The following CLVS2 variants were observed in gnomAD, a reference collection of about 807,000 sequenced individuals.
CLVS2 encodes the protein clavesin-2.
Under a neutral mutation model 29.0 loss-of-function variants are expected in CLVS2, and 19 were observed. That is an observed-to-expected ratio of 0.66 (90% CI 0.46 to 0.96). The LOEUF is 0.96. Ranked by LOEUF, CLVS2 falls within the 40% of genes least tolerant of loss-of-function variation. The pLI is 0.00. For synonymous variants in CLVS2, 161 were observed against 151.3 expected (o/e 1.06, Z -0.47); for missense variants, 294 against 404.1 (o/e 0.73, Z 2.34).
intron 3 of CLVS2, among the ~76,000 whole-genome samples, chr6:123,023,612 C>T: frequency 6.6e-6 from 1 of 152,076 alleles, no homozygotes; most frequent in East Asian, 1.9e-4. Flanking sequence ...AAGAGATTTA[C>T]TTTTTCTCAT....
In CLVS2 at chr6:123,069,767, G is replaced by A. The variant is rs910247637; in HGVS notation, c.*6006G>A. Reference sequence around the variant, plus strand: ...GTAGAAAATATTTTCTACTCGAAGAGGCCATGGGGAAGTGATGGTCAAATC... The same window carrying A: ...GTAGAAAATATTTTCTACTCGAAGAAGCCATGGGGAAGTGATGGTCAAATC... On this transcript the variant is annotated 3_prime_UTR_variant, in exon 6 of 6. Transcript: ENST00000275162. 2 of 151,766 alleles carry A rather than the reference G, an allele frequency of 1.3e-5. No individual in the cohort carries two copies. The highest frequency in any genetic ancestry group is 2.4e-5 in the African/African-American group (1 of 41,372). 9.4% of individuals were successfully genotyped at this position (151,766 alleles called of 1,614,324 possible).
intron 3 of CLVS2, among the ~76,000 whole-genome samples, chr6:123,031,776 G>A (rs887634816): frequency 4.0e-5 from 6 of 151,756 alleles, no homozygotes; most frequent in Non-Finnish European, 8.8e-5. Context: ...GGGATGTATT[G>A]GAAGTCTACC....
At chr6:123,063,599 G>T in intron 5 of CLVS2, 75 bp from the exon 6 acceptor site, 1 of 804,034 alleles carries the variant, frequency 1.2e-6, no homozygotes, top group South Asian at 1.6e-5. Flanking sequence ...GAGAAGTAAT[G>T]ACAAAAAGAG....
chr6:123,024,511 A>T (rs1774971824), intron 3 of CLVS2, among the ~76,000 whole-genome samples: 1 of 152,154 alleles, frequency 6.6e-6, no homozygotes, highest in Non-Finnish European at 1.5e-5. Context: ...GGGTCATGCC[A>T]TTGGCTCTGG....
rs996239838 is a variant in CLVS2 at position 123,072,556 on chromosome 6, C to A, written c.*8795C>A. ...TCCTTGATAGTCTGTACAGTGGAAACCATTTCCCTCTGTGATATCCTTTTT... is the reference window on the plus strand; with the variant it reads ...TCCTTGATAGTCTGTACAGTGGAAAACATTTCCCTCTGTGATATCCTTTTT... On this transcript the variant is annotated 3_prime_UTR_variant, in exon 6 of 6. Transcript: ENST00000275162. 8.5e-5 allele frequency: 13 copies of A among 152,196 alleles called. No individual in the cohort carries two copies. The highest frequency in any genetic ancestry group is 3.1e-4 in the African/African-American group (13 of 41,546). 9.4% of individuals were successfully genotyped at this position (152,196 alleles called of 1,614,324 possible). A position where few individuals can be genotyped will look rare whatever the true frequency, so the allele number is the denominator to read the frequency against.
At chr6:123,017,727 G>A (rs1353244251) in intron 3 of CLVS2, among the ~76,000 whole-genome samples, 1 of 152,046 alleles carries the variant, frequency 6.6e-6, no homozygotes, top group Non-Finnish European at 1.5e-5. Flanking sequence ...TCAGCAAGCA[G>A]GCTAAGGATT....
intron 2 of CLVS2, among the ~76,000 whole-genome samples, chr6:123,000,696 A>G (rs1774577482): frequency 6.6e-6 from 1 of 152,082 alleles, no homozygotes; most frequent in African/African-American, 2.4e-5. Flanking sequence ...AGATGTTCTC[A>G]CCTTCCAGGC....
At chr6:123,022,251 A>G (rs1157383766) in intron 3 of CLVS2, among the ~76,000 whole-genome samples, 2 of 152,112 alleles carry the variant, frequency 1.3e-5, no homozygotes, top group African/African-American at 4.8e-5. Flanking sequence ...CTAAAATTTT[A>G]TCAAACTGTC....
intron 3 of CLVS2, among the ~76,000 whole-genome samples, chr6:123,040,685 C>A (rs950849943): frequency 6.6e-6 from 1 of 151,384 alleles, no homozygotes; most frequent in Non-Finnish European, 1.5e-5. Flanking sequence ...CCCAGCTACT[C>A]GGGAGTCGGG....
intron 3 of CLVS2, among the ~76,000 whole-genome samples, chr6:123,023,329 T>G (rs1200113410): frequency 6.6e-6 from 1 of 152,024 alleles, no homozygotes; most frequent in Non-Finnish European, 1.5e-5. Flanking sequence ...AATCTCACAG[T>G]TTATGTGTTT....
chr6:122,998,290 CA>C, intron 2 of CLVS2, 124 bp downstream of exon 2: 1 of 1,229,402 alleles, frequency 8.1e-7, no homozygotes, highest in Non-Finnish European at 1.1e-6. Flanking sequence ...AAAAGAGAAA[CA>C]AACCAGGAGA....
At chr6:123,000,396 C>T (rs1309831843) in intron 2 of CLVS2, among the ~76,000 whole-genome samples, 1 of 152,162 alleles carries the variant, frequency 6.6e-6, no homozygotes. Flanking sequence ...AGTAGACAAA[C>T]AGATCTGTCA....
intron 2 of CLVS2, among the ~76,000 whole-genome samples, chr6:123,009,515 A>G (rs529850800): frequency 6.6e-6 from 1 of 152,126 alleles, no homozygotes; most frequent in East Asian, 1.9e-4. Flanking sequence ...TGTTTTTAGA[A>G]GTAAAAATAG....
chr6:123,023,317 T>C (rs1774951272), intron 3 of CLVS2, among the ~76,000 whole-genome samples: 2 of 152,104 alleles, frequency 1.3e-5, no homozygotes, highest in Admixed American at 6.6e-5. Flanking sequence ...GCATTGTCCC[T>C]GAATCTCACA....
chr6:123,038,735 A>G (rs1438140165), intron 3 of CLVS2, among the ~76,000 whole-genome samples: 1 of 152,096 alleles, frequency 6.6e-6, no homozygotes, highest in East Asian at 1.9e-4. Flanking sequence ...ATTCTTTGAA[A>G]ATGCCGCTTA....
At chr6:123,056,859 G>T (rs1008805125) in intron 5 of CLVS2, among the ~76,000 whole-genome samples, 3 of 152,124 alleles carry the variant, frequency 2.0e-5, no homozygotes, top group Non-Finnish European at 4.4e-5. Flanking sequence ...TTGTCTAAAG[G>T]TCTAAACATT....
At position 123,068,801 on chromosome 6, in the gene CLVS2, C is replaced by T. The variant is rs1317957559; in HGVS notation, c.*5040C>T. ...GGCCTTTTGAAGGAGTTATAAATTC[C>T]AAAACACTATAATATAATTTTTGGA... On this transcript the variant is annotated 3_prime_UTR_variant, in exon 6 of 6. Transcript: ENST00000275162. The T allele has an allele frequency of 1.3e-5, 2 of 148,656 alleles. No homozygotes were observed. Among genetic ancestry groups the T allele is most frequent in the African/African-American group, 2.4e-5 (1 of 41,324 alleles). 9.2% of individuals were successfully genotyped at this position (148,656 alleles called of 1,614,324 possible).
chr6:123,018,107 T>C (rs1024037157), intron 3 of CLVS2, among the ~76,000 whole-genome samples: 2 of 152,074 alleles, frequency 1.3e-5, no homozygotes, highest in African/African-American at 2.4e-5. Flanking sequence ...ATTGAGCTAA[T>C]GACAAATGGA....
intron 4 of CLVS2, among the ~76,000 whole-genome samples, chr6:123,055,404 C>G (rs1413035544): frequency 6.6e-6 from 1 of 152,138 alleles, no homozygotes; most frequent in East Asian, 1.9e-4. Context: ...TGATGAGTCC[C>G]TTATGAGAAG....
Sources: gnomAD v4.1 joint callset for allele counts (sites outside exome capture counted in the v4.1 genomes callset) on GRCh38, gnomAD v4.1.1 for gene constraint, MANE v1.5 for transcripts, NCBI Gene and HGNC (gene_info 2026-07-23, HGNC 2026-07-21) for gene names.